The following EPDR1 variants were observed in gnomAD, a reference collection of about 807,000 sequenced individuals.
EPDR1 encodes ependymin related 1.
In EPDR1, 27 loss-of-function variants were observed where a neutral mutation model predicts 23.7. The observed-to-expected ratio is 1.14, with a 90% CI of 0.84 to 1.57. The LOEUF (loss-of-function observed/expected upper bound fraction) is 1.57, where lower values mean the gene tolerates loss of function less well. Among genes scored for constraint, EPDR1 ranks in the 40% most tolerant of loss-of-function variants. The pLI is 0.00. For missense variants in EPDR1, 349 were observed against 290.4 expected (o/e 1.20, Z -1.47); for synonymous variants, 137 against 118.2 (o/e 1.16, Z -1.03).
At position 37,921,238 on chromosome 7, in the gene EPDR1, T is replaced by C. The variant is rs758959485; in HGVS notation, c.269+30T>C. 7 of 1,554,830 alleles carry C rather than the reference T, an allele frequency of 4.5e-6. No individual in the cohort carries two copies. The South Asian group carries it at 7.0e-5, about 16-fold the overall frequency. ...AGGTCATCGGCCCGCGGGGCGGGAG[T>C]AGGGAGCCGCGCGGGCATGGGGAGG... is the stretch of plus-strand genomic sequence containing the variant. On this transcript the variant is annotated intron_variant, in intron 1 of 2. Transcript: ENST00000199448.
At chr7:37,934,040 G>A (rs930157837) in intron 1 of EPDR1, among the ~76,000 whole-genome samples, 1 of 148,898 alleles carries the variant, frequency 6.7e-6, no homozygotes, top group Non-Finnish European at 1.5e-5. Flanking sequence ...GCAGTGGCGT[G>A]ATCTCAGCTC....
intron 1 of EPDR1, among the ~76,000 whole-genome samples, chr7:37,944,134 G>A (rs1287005198): frequency 6.6e-6 from 1 of 152,220 alleles, no homozygotes. Context: ...GAAGCTTATT[G>A]TAACTCTGTA....
In EPDR1 at chr7:37,921,119, G is replaced by C; in HGVS notation, c.180G>C (p.Gly60=). ...AGGTTATGTACCAGCAAAGTAGCGG[G>C]CGCAACAGCCGCGCCCTGCTCTCCT... ...GRQVMYQQSS[G]RNSRALLSYD... is the part of the protein sequence containing the mutation. The change falls in exon 1 of 3, where the codon GGG becomes GGC. Residue 60 remains glycine (G), a synonymous_variant. Transcript: ENST00000199448. 1.3e-6 allele frequency: 2 copies of C among 1,594,800 alleles called. No individual in the cohort carries two copies. Among genetic ancestry groups the C allele is most frequent in the Non-Finnish European group, 1.7e-6 (2 of 1,178,104 alleles).
chr7:37,939,234 C>T (rs545175242), intron 1 of EPDR1, among the ~76,000 whole-genome samples: 19 of 152,210 alleles, frequency 1.2e-4, no homozygotes, highest in African/African-American at 4.3e-4. Context: ...CTGCCTCGGC[C>T]TCCCAAAGTG....
Position 37,921,141 on chromosome 7 carries a change from T to A in EPDR1, c.202T>A (p.Ser68Thr). The change falls in exon 1 of 3, where the codon TCC becomes ACC. Residue 68 changes from serine to threonine, a missense_variant. By Grantham distance (58) the Ser-to-Thr change is moderately conservative (BLOSUM62 1). Coordinates refer to ENST00000199448, the MANE Select transcript of EPDR1 (RefSeq NM_017549.5). ...SSGRNSRALL[S>T]YDGLNQRVRV... ...CGGGCGCAACAGCCGCGCCCTGCTC[T>A]CCTACGACGGGCTCAACCAGCGCGT... The A allele has an allele frequency of 6.3e-7, 1 of 1,596,442 alleles. No homozygotes were observed. The highest frequency in any genetic ancestry group is 1.1e-5 in the South Asian group (1 of 90,956).
intron 1 of EPDR1, 144 bp downstream of exon 1, chr7:37,921,352 C>T: frequency 7.0e-7 from 1 of 1,419,632 alleles, no homozygotes; most frequent in Middle Eastern, 1.8e-4. Flanking sequence ...CGAGGAGGGT[C>T]TCTTGGGGAT....
In EPDR1 at chr7:37,946,068, T is replaced by C. The variant is rs369851206; in HGVS notation, c.270-2772T>C. On this transcript the variant is annotated intron_variant, in intron 1 of 2. Coordinates refer to ENST00000199448, the MANE Select transcript of EPDR1 (RefSeq NM_017549.5). Reference sequence around the variant, plus strand: ...AAGGACATGATCTTGTTCCTTTTTATGGCTGCATAGTATTCCATTGTGTAT... The same window carrying C: ...AAGGACATGATCTTGTTCCTTTTTACGGCTGCATAGTATTCCATTGTGTAT... 9.2e-5 allele frequency among the ~76,000 whole-genome samples: 14 copies of C among 152,382 alleles called. No individual in the cohort carries two copies. The South Asian group carries it at 2.9e-3, about 32-fold the overall frequency.
intron 1 of EPDR1, among the ~76,000 whole-genome samples, chr7:37,926,410 C>T (rs2132000435): frequency 7.1e-6 from 1 of 139,936 alleles, no homozygotes; most frequent in East Asian, 2.2e-4. Context: ...AACACCAGTT[C>T]ATTTTGACCA....
Position 37,948,873 on chromosome 7 carries a change from A to G in EPDR1, c.303A>G (p.Gly101=), listed in dbSNP as rs781639390. 2.5e-5 allele frequency: 41 copies of G among 1,614,022 alleles called. No individual in the cohort carries two copies. In the South Asian group the frequency reaches 4.5e-4, roughly 18 times the overall value. Residue 101 remains glycine, a synonymous_variant, in exon 2 of 3, where the codon GGA becomes GGG. Transcript: ENST00000199448. ...LFEYILLYKD[G]VMFQIDQATK... The stretch of plus-strand genomic sequence containing the variant: ...AATATATTTTGCTGTATAAGGATGG[A>G]GTGATGTTTCAGATTGACCAAGCCA...
chr7:37,937,984 AAT>A (rs1786088540), intron 1 of EPDR1, among the ~76,000 whole-genome samples: 1 of 62,244 alleles, frequency 1.6e-5, no homozygotes, highest in South Asian at 7.2e-4. Flanking sequence ...GTGCCCTTTA[AAT>A]TTTTTTTTTT....
At chr7:37,941,969 T>C (rs1007328632) in intron 1 of EPDR1, among the ~76,000 whole-genome samples, 7 of 152,142 alleles carry the variant, frequency 4.6e-5, no homozygotes, top group Admixed American at 2.6e-4. Context: ...ATTATACTAG[T>C]TCTCCAACTG....
At chr7:37,924,688 G>A (rs1360163988) in intron 1 of EPDR1, among the ~76,000 whole-genome samples, 1 of 152,158 alleles carries the variant, frequency 6.6e-6, no homozygotes, top group Non-Finnish European at 1.5e-5. Context: ...TCTTGGCAAG[G>A]TTCTTTCTGA....
chr7:37,928,753 G>T (rs942349221), intron 1 of EPDR1, among the ~76,000 whole-genome samples: 1 of 152,008 alleles, frequency 6.6e-6, no homozygotes, highest in Non-Finnish European at 1.5e-5. Flanking sequence ...GCTAATAGTG[G>T]ACTCTCCCAG....
intron 1 of EPDR1, among the ~76,000 whole-genome samples, chr7:37,935,828 G>A (rs1297071728): frequency 1.3e-5 from 2 of 150,868 alleles, no homozygotes; most frequent in Non-Finnish European, 3.0e-5. Context: ...ATATGAGATG[G>A]GAATTTCATT....
At chr7:37,949,836 A>C (rs138052889) in intron 2 of EPDR1, among the ~76,000 whole-genome samples, 2 of 152,264 alleles carry the variant, frequency 1.3e-5, no homozygotes, top group African/African-American at 4.8e-5. Flanking sequence ...CCTTGAGGAC[A>C]TAATGTTAAG....
intron 1 of EPDR1, 137 bp from the exon 2 acceptor site, chr7:37,948,703 A>G (rs1246796167): frequency 3.0e-5 from 20 of 664,752 alleles, no homozygotes; most frequent in Non-Finnish European, 5.2e-5. Context: ...CCTAGTGTTT[A>G]TAAACGTTAA....
chr7:37,939,282 G>T (rs1786122246), intron 1 of EPDR1, among the ~76,000 whole-genome samples: 5 of 151,980 alleles, frequency 3.3e-5, no homozygotes, highest in Admixed American at 2.0e-4. Flanking sequence ...CCTGGCCCAA[G>T]ATTTTTTTTT....
chr7:37,934,952 A>T (rs527540446), intron 1 of EPDR1, among the ~76,000 whole-genome samples: 1 of 152,310 alleles, frequency 6.6e-6, no homozygotes, highest in African/African-American at 2.4e-5. Context: ...CTTTAAAAAA[A>T]AAGTTAACTA....
intron 1 of EPDR1, among the ~76,000 whole-genome samples, chr7:37,942,922 T>C (rs1046058029): frequency 1.3e-5 from 2 of 152,212 alleles, no homozygotes; most frequent in Non-Finnish European, 1.5e-5. Context: ...CTGAGAATTT[T>C]AGTAAAAGCA....
Sources: gnomAD v4.1 joint callset for allele counts (sites outside exome capture counted in the v4.1 genomes callset) on GRCh38, gnomAD v4.1.1 for gene constraint, MANE v1.5 for transcripts, NCBI Gene and HGNC (gene_info 2026-07-23, HGNC 2026-07-21) for gene names.